The following TBX19 variants were observed in gnomAD, a reference collection of about 807,000 sequenced individuals.
The protein encoded by TBX19 is T-box transcription factor 19.
In TBX19, 33 loss-of-function variants were observed where a neutral mutation model predicts 40.9. The ratio of observed to expected loss-of-function variants is 0.81; its 90% CI spans 0.61 to 1.08. The LOEUF (loss-of-function observed/expected upper bound fraction) is 1.08, where lower values mean the gene tolerates loss of function less well. Ranked by LOEUF, TBX19 falls within the 50% of genes least tolerant of loss-of-function variation. The pLI is 0.00. For missense variants in TBX19, 494 were observed against 574.0 expected (o/e 0.86, Z 1.42); for synonymous variants, 220 against 225.0 (o/e 0.98, Z 0.20).
chr1:168,293,192 C>T lies in TBX19; in HGVS notation c.517C>T (p.Arg173Cys), dbSNP rs371934190. ...HKYEPQVHIV[R>C]VGSAHRMVTN... Reference sequence around the variant, plus strand: ...ATATGAACCCCAGGTTCACATAGTGCGTGTTGGAAGTGCCCATCGAATGGT... The same window carrying T: ...ATATGAACCCCAGGTTCACATAGTGTGTGTTGGAAGTGCCCATCGAATGGT... The change falls in exon 3 of 8, where the codon CGT becomes TGT. Residue 173 changes from arginine to cysteine, a missense_variant. By Grantham distance (180) the Arg-to-Cys change is radical. Coordinates refer to ENST00000367821, the MANE Select transcript of TBX19 (RefSeq NM_005149.3). 6.6e-5 allele frequency: 107 copies of T among 1,613,626 alleles called. No homozygotes were observed. The South Asian group carries it at 1.0e-3, about 16-fold the overall frequency.
intron 3 of TBX19, among the ~76,000 whole-genome samples, chr1:168,295,325 C>T (rs1305129618): frequency 6.6e-6 from 1 of 152,020 alleles, no homozygotes; most frequent in Non-Finnish European, 1.5e-5. Flanking sequence ...TTGCTTCCAT[C>T]TATATTTATT....
At chr1:168,287,896 T>TAA (rs77467148) in intron 1 of TBX19, among the ~76,000 whole-genome samples, 3 of 133,672 alleles carry the variant, frequency 2.2e-5, no homozygotes, top group African/African-American at 5.3e-5. Flanking sequence ...GAAAAGAGAG[T>TAA]AAAAAAAAAA....
At chr1:168,303,445 G>A (rs145602769) in intron 5 of TBX19, among the ~76,000 whole-genome samples, 118 of 152,246 alleles carry the variant, frequency 7.8e-4, no homozygotes, top group Non-Finnish European at 1.4e-3. Flanking sequence ...CCTTTGATAG[G>A]ACTGTAACCA....
intron 6 of TBX19, among the ~76,000 whole-genome samples, chr1:168,306,432 C>T (rs1454681498): frequency 1.3e-5 from 2 of 151,894 alleles, no homozygotes; most frequent in Non-Finnish European, 2.9e-5. Context: ...TCGAGAGTAG[C>T]CTGGCCAACA....
chr1:168,310,140 A>G (rs1487290489), intron 7 of TBX19, among the ~76,000 whole-genome samples: 3 of 152,026 alleles, frequency 2.0e-5, no homozygotes, highest in Non-Finnish European at 2.9e-5. Flanking sequence ...CATCTCTACT[A>G]AAAATACAAA....
intron 4 of TBX19, among the ~76,000 whole-genome samples, chr1:168,298,691 T>TTTCC (rs887033123): frequency 6.7e-6 from 1 of 150,178 alleles, no homozygotes; most frequent in Non-Finnish European, 1.5e-5. Flanking sequence ...TCTTTCTTCC[T>TTTCC]TTCCTTCCTT....
rs1308206522 is a variant in TBX19 at position 168,312,829 on chromosome 1, C to G, written c.1174C>G (p.Pro392Ala). The G allele has an allele frequency of 8.1e-6, 13 of 1,614,146 alleles. No individual in the cohort carries two copies. The highest frequency in any genetic ancestry group is 5.5e-5 in the South Asian group (5 of 91,094). Residue 392 changes from proline to alanine, a missense_variant, in exon 8 of 8, where the codon CCT becomes GCT. Pro to Ala is a conservative substitution (Grantham distance 27, BLOSUM62 -1). Transcript: ENST00000367821. ...CGGAAACCCAGCTGTGACTTCACCCCCTTCTGTGCTCTCCACCCAAGCACC... is the reference window on the plus strand; with the variant it reads ...CGGAAACCCAGCTGTGACTTCACCCGCTTCTGTGCTCTCCACCCAAGCACC... ...LLGNPAVTSP[P>A]SVLSTQAPTS...
intron 1 of TBX19, among the ~76,000 whole-genome samples, chr1:168,287,908 AAAG>A (rs1399875929): frequency 6.6e-6 from 1 of 152,148 alleles, no homozygotes; most frequent in Non-Finnish European, 1.5e-5. Flanking sequence ...AAAAAAAAAA[AAAG>A]GAGTAGTGAA....
At chr1:168,298,313 T>A (rs548480369) in intron 4 of TBX19, among the ~76,000 whole-genome samples, 1 of 152,228 alleles carries the variant, frequency 6.6e-6, no homozygotes, top group Non-Finnish European at 1.5e-5. Context: ...TAACTAACAA[T>A]TTTTTTTAAA....
In TBX19 at chr1:168,280,968, G is replaced by A; in HGVS notation, c.-123G>A. 1 of 896,246 alleles carries A rather than the reference G, an allele frequency of 1.1e-6. No homozygotes were observed. The highest frequency in any genetic ancestry group is 1.4e-5 in the South Asian group (1 of 70,856). The allele number at this position is 896,246 out of a possible 1,614,324, so 55.5% of individuals were successfully genotyped here. On this transcript the variant is annotated 5_prime_UTR_variant, in exon 1 of 8. Transcript: ENST00000367821. ...CCTAGGAGCTTAGGCAAGAGCCAGG[G>A]TATCTTCTCTCCGCTCCCCAAGCAC... is the stretch of plus-strand genomic sequence containing the variant.
At chr1:168,300,605 C>A in intron 5 of TBX19, 122 bp downstream of exon 5, 2 of 913,194 alleles carry the variant, frequency 2.2e-6, no homozygotes, top group Non-Finnish European at 3.5e-6. Flanking sequence ...ACCCAACACA[C>A]AGTTTATTCT....
chr1:168,298,529 C>G (rs935461084), intron 4 of TBX19, among the ~76,000 whole-genome samples: 8 of 152,098 alleles, frequency 5.3e-5, no homozygotes, highest in African/African-American at 1.4e-4. Flanking sequence ...GAAAAGAAGT[C>G]GGAGACTTCT....
Position 168,297,747 on chromosome 1 carries a change from C to G in TBX19, c.627C>G (p.Tyr209Ter), listed in dbSNP as rs140528998. Residue 209 changes from tyrosine to a stop codon, truncating the protein, a stop_gained, in exon 4 of 8, where the codon TAC becomes TAG. Transcript: ENST00000367821. LOFTEE classifies it high-confidence loss of function. Reference protein sequence around the residue: ...NEEITALKIKYNPFAKAFLDA... With the variant: ...NEEITALKIK ...AGATAACGGCTCTCAAAATCAAGTA[C>G]AATCCTTTTGCCAAAGCCTTCTTGG... 3 of 1,614,012 alleles carry G rather than the reference C, an allele frequency of 1.9e-6. No homozygotes were observed. In the Admixed American group the frequency reaches 5.0e-5, roughly 27 times the overall value.
At chr1:168,293,374 T>G in intron 3 of TBX19, 96 bp downstream of exon 3, 1 of 1,441,570 alleles carries the variant, frequency 6.9e-7, no homozygotes, top group East Asian at 2.7e-5. Context: ...GGGGTCCTTT[T>G]AGATGAAAGG....
chr1:168,281,856 T>G (rs1470887708), intron 1 of TBX19, among the ~76,000 whole-genome samples: 2 of 152,250 alleles, frequency 1.3e-5, no homozygotes, highest in East Asian at 3.8e-4. Context: ...ATATGAAAGC[T>G]GTTGCAGTAA....
intron 7 of TBX19, 91 bp from the exon 8 acceptor site, chr1:168,312,617 C>T: frequency 1.4e-6 from 2 of 1,462,402 alleles, no homozygotes; most frequent in Non-Finnish European, 1.9e-6. Context: ...TAACCATGCC[C>T]TTCTCAGCAC....
intron 6 of TBX19, among the ~76,000 whole-genome samples, chr1:168,307,398 G>C (rs187448315): frequency 1.5e-4 from 23 of 152,156 alleles, no homozygotes; most frequent in Non-Finnish European, 3.1e-4. Context: ...GGGGAAAGAG[G>C]GGGAGAGGGC....
At chr1:168,295,276 G>A (rs1269384238) in intron 3 of TBX19, among the ~76,000 whole-genome samples, 4 of 151,556 alleles carry the variant, frequency 2.6e-5, no homozygotes, top group African/African-American at 9.7e-5. Context: ...GGGTGAGAGA[G>A]CAAGACTTGG....
chr1:168,303,080 T>C (rs1649316575), intron 5 of TBX19, among the ~76,000 whole-genome samples: 1 of 152,210 alleles, frequency 6.6e-6, no homozygotes, highest in South Asian at 2.1e-4. Flanking sequence ...CTAGGGTACA[T>C]GTTCACAACG....
Sources: allele counts gnomAD v4.1 joint callset (sites outside exome capture counted in the v4.1 genomes callset), GRCh38; gene constraint gnomAD v4.1.1; transcripts MANE v1.5; gene names NCBI Gene and HGNC (gene_info 2026-07-23, HGNC 2026-07-21).